Variants in ECT2L observed in about 807,000 individuals in gnomAD.
ECT2L encodes epithelial cell transforming 2 like, also known as epithelial cell-transforming sequence 2 oncogene-like.
In ECT2L, 126 loss-of-function variants were observed where a neutral mutation model predicts 122.8. The ratio of observed to expected loss-of-function variants is 1.03; its 90% confidence interval spans 0.89 to 1.19. The LOEUF (loss-of-function observed/expected upper bound fraction) is 1.19. Among genes scored for constraint, ECT2L ranks in the 50% most tolerant of loss-of-function variants. The pLI is 0.00. For missense variants in ECT2L, 1,012 were observed against 1,064.1 expected (o/e 0.95, Z 0.68); for synonymous variants, 385 against 381.8 (o/e 1.01, Z -0.10).
In ECT2L at chr6:138,844,397, T is replaced by C; in HGVS notation, c.596-15T>C. ...ATGAAGTAATCAGCCCCGCCTGCTGTTCTTTGTTTTTCAGAGGAGTTATTC... is the reference window on the plus strand; with the variant it reads ...ATGAAGTAATCAGCCCCGCCTGCTGCTCTTTGTTTTTCAGAGGAGTTATTC... On this transcript the variant is annotated splice_polypyrimidine_tract_variant and intron_variant, in intron 6 of 21. Transcript: ENST00000541398. 1.2e-6 allele frequency: 2 copies of C among 1,611,410 alleles called. No homozygotes were observed. The highest frequency in any genetic ancestry group is 8.5e-7 in the Non-Finnish European group (1 of 1,177,968).
intron 9 of ECT2L, among the ~76,000 whole-genome samples, chr6:138,850,925 T>C (rs1188900): frequency 1 from 149,777 of 149,790 alleles, 74,882 homozygotes; most frequent in Middle Eastern, 1. Context: ...CGCTTGAACC[T>C]GGGAGGCGGA....
At chr6:138,842,851 A>G in intron 5 of ECT2L, 128 bp from the exon 6 acceptor site, 1 of 835,460 alleles carries the variant, frequency 1.2e-6, no homozygotes, top group Non-Finnish European at 1.7e-6. Context: ...GGATTTGCAT[A>G]CAAATTCTCA....
intron 10 of ECT2L, among the ~76,000 whole-genome samples, chr6:138,861,327 T>C (rs1281550606): frequency 1.3e-5 from 2 of 152,240 alleles, no homozygotes; most frequent in Non-Finnish European, 2.9e-5. Context: ...ATGGTTGAAC[T>C]AATTTACACT....
chr6:138,804,738 T>A (rs1775657632), intron 1 of ECT2L, among the ~76,000 whole-genome samples: 1 of 152,194 alleles, frequency 6.6e-6, no homozygotes, highest in Admixed American at 6.5e-5. Flanking sequence ...ATTTAGGACT[T>A]TAAAAGTATT....
intron 18 of ECT2L, 26 bp downstream of exon 18, chr6:138,885,856 C>T: frequency 1.2e-6 from 2 of 1,600,888 alleles, no homozygotes; most frequent in Non-Finnish European, 1.7e-6. Context: ...GAATCTGTGT[C>T]CTTTAAACAT....
At chr6:138,840,834 T>C (rs1777014403) in intron 5 of ECT2L, among the ~76,000 whole-genome samples, 1 of 152,166 alleles carries the variant, frequency 6.6e-6, no homozygotes, top group Admixed American at 6.5e-5. Context: ...TCAGATGTTA[T>C]TTCTTCATAT....
chr6:138,796,429 C>T (rs2128365393), intron 1 of ECT2L, among the ~76,000 whole-genome samples: 1 of 152,298 alleles, frequency 6.6e-6, no homozygotes, highest in South Asian at 2.1e-4. Flanking sequence ...TTGCATCGGG[C>T]CATGCCAAGT....
At chr6:138,837,704 T>G (rs1400370713) in intron 4 of ECT2L, among the ~76,000 whole-genome samples, 1 of 151,764 alleles carries the variant, frequency 6.6e-6, no homozygotes, top group Non-Finnish European at 1.5e-5. Flanking sequence ...AAAATCTCAG[T>G]GAATATATCT....
At chr6:138,871,926 T>A (rs1400417524) in intron 13 of ECT2L, among the ~76,000 whole-genome samples, 1 of 152,056 alleles carries the variant, frequency 6.6e-6, no homozygotes, top group Non-Finnish European at 1.5e-5. Context: ...AAGTGGCTTA[T>A]TCTTCCCAAA....
intron 9 of ECT2L, among the ~76,000 whole-genome samples, chr6:138,850,376 C>A (rs1777395292): frequency 1.3e-5 from 2 of 152,174 alleles, no homozygotes; most frequent in South Asian, 4.2e-4. Flanking sequence ...CACTCATGAC[C>A]TCCAGTGATC....
chr6:138,815,334 G>A (rs976477144), intron 4 of ECT2L, among the ~76,000 whole-genome samples: 4 of 152,202 alleles, frequency 2.6e-5, no homozygotes, highest in Non-Finnish European at 5.9e-5. Context: ...CCAGATGAAT[G>A]TTAGAAACGG....
At position 138,876,504 on chromosome 6, in the gene ECT2L, C is replaced by T; in HGVS notation, c.1611C>T (p.Asp537=). 1 of 1,613,092 alleles carries T rather than the reference C, an allele frequency of 6.2e-7. No individual in the cohort carries two copies. The highest frequency in any genetic ancestry group is 8.5e-7 in the Non-Finnish European group (1 of 1,179,304). The change falls in exon 14 of 22, where the codon GAC becomes GAT. Residue 537 remains aspartate, a synonymous_variant. Transcript: ENST00000541398. The part of the protein sequence containing the change: ...ERNVVEDNSW[D]TKSRLSKNDL... Reference sequence around the variant, plus strand: ...ATGTTGTAGAAGACAATTCTTGGGACACAAAGTCCAGGCTCAGCAAAAATG... The same window carrying T: ...ATGTTGTAGAAGACAATTCTTGGGATACAAAGTCCAGGCTCAGCAAAAATG...
At chr6:138,842,714 A>G (rs1384688713) in intron 5 of ECT2L, among the ~76,000 whole-genome samples, 10 of 142,426 alleles carry the variant, frequency 7.0e-5, no homozygotes, top group East Asian at 6.6e-4. Context: ...GGAGCTTGCA[A>G]TGAGCCGAGC....
chr6:138,835,150 A>C (rs1185380723), intron 4 of ECT2L, among the ~76,000 whole-genome samples: 1 of 152,200 alleles, frequency 6.6e-6, no homozygotes, highest in East Asian at 1.9e-4. Context: ...CCACTTAAAA[A>C]AAACTTTTCA....
chr6:138,817,714 T>A (rs1341060205), intron 4 of ECT2L, among the ~76,000 whole-genome samples: 1 of 152,192 alleles, frequency 6.6e-6, no homozygotes, highest in Non-Finnish European at 1.5e-5. Context: ...ATTTCCTAAG[T>A]GGAATTTTAT....
At chr6:138,817,029 C>T (rs1217217297) in intron 4 of ECT2L, among the ~76,000 whole-genome samples, 3 of 152,160 alleles carry the variant, frequency 2.0e-5, no homozygotes, top group East Asian at 3.9e-4. Context: ...CTGGACTTTT[C>T]GTATAAATGG....
At chr6:138,887,621 G>A (rs762771651) in intron 19 of ECT2L, among the ~76,000 whole-genome samples, 3 of 152,120 alleles carry the variant, frequency 2.0e-5, no homozygotes, top group Admixed American at 6.6e-5. Flanking sequence ...CTGTGTTAGC[G>A]ACGTGTTAAC....
intron 4 of ECT2L, among the ~76,000 whole-genome samples, chr6:138,818,446 T>C (rs1047081129): frequency 6.6e-6 from 1 of 152,184 alleles, no homozygotes; most frequent in Non-Finnish European, 1.5e-5. Flanking sequence ...TGTGCAGTTT[T>C]TCAGAGACAA....
At chr6:138,900,893 G>C in intron 20 of ECT2L, 55 bp from the exon 21 acceptor site, 1 of 1,542,806 alleles carries the variant, frequency 6.5e-7, no homozygotes, top group Non-Finnish European at 8.8e-7. Context: ...GCTTAACTAT[G>C]TAACAAAGCA....
Sources: allele counts gnomAD v4.1 joint callset (sites outside exome capture counted in the v4.1 genomes callset), GRCh38; gene constraint gnomAD v4.1.1; transcripts MANE v1.5; gene names NCBI Gene and HGNC (gene_info 2026-07-23, HGNC 2026-07-21).